Variants in FMN2 observed in about 807,000 individuals in gnomAD.
FMN2 encodes formin 2, also known as formin-2.
FMN2 carries 51 observed loss-of-function variants against 142.3 expected under a neutral mutation model. The observed-to-expected ratio is 0.36, with a 90% CI of 0.29 to 0.45. The LOEUF is 0.45. FMN2 is among the 20% of genes least tolerant of loss of function. The pLI is 1.00. For missense variants in FMN2, 1,936 were observed against 2,122.8 expected, an observed-to-expected ratio of 0.91 and a Z score of 1.73; for synonymous variants, 882 against 869.8, an observed-to-expected ratio of 1.01 and a Z score of -0.25.
At chr1:240,308,340 G>T (rs1670484077) in intron 8 of FMN2, among the ~76,000 whole-genome samples, 1 of 152,144 alleles carries the variant, frequency 6.6e-6, no homozygotes, top group Non-Finnish European at 1.5e-5. Flanking sequence ...TGTAAGACTT[G>T]AACTTTTTCT....
At chr1:240,187,679 A>G (rs987287871) in intron 3 of FMN2, among the ~76,000 whole-genome samples, 1 of 152,226 alleles carries the variant, frequency 6.6e-6, no homozygotes. Flanking sequence ...TTGCAGTCTC[A>G]TAGAATCTCA....
Position 240,208,597 on chromosome 1 carries a change from T to C in FMN2, c.3785T>C (p.Phe1262Ser). 1 of 1,613,808 alleles carries C rather than the reference T, an allele frequency of 6.2e-7. No individual in the cohort carries two copies. Residue 1262 changes from phenylalanine to serine, a missense_variant, in exon 5 of 18, where the codon TTT becomes TCT. Physicochemically the swap from Phe to Ser is radical, Grantham distance 155. Coordinates refer to ENST00000319653, the MANE Select transcript of FMN2 (RefSeq NM_020066.5). ...TTACCAACCCCACAGGTGTGTGGAT[T>C]TCTTCCTCCTCCATTGCCAAGTGGC... ...STLPTPQVCG[F>S]LPPPLPSGLF... is the part of the protein sequence containing the mutation.
intron 4 of FMN2, among the ~76,000 whole-genome samples, chr1:240,191,531 T>A (rs1039124147): frequency 2.0e-5 from 3 of 152,380 alleles, no homozygotes; most frequent in Non-Finnish European, 4.4e-5. Flanking sequence ...ATCTGCTCTA[T>A]CTGAAGAATT....
chr1:240,351,842 C>G (rs1038066782), intron 13 of FMN2, among the ~76,000 whole-genome samples: 1 of 152,066 alleles, frequency 6.6e-6, no homozygotes, highest in Non-Finnish European at 1.5e-5. Context: ...CATACAGGAT[C>G]CTAGACCCCA....
intron 15 of FMN2, among the ~76,000 whole-genome samples, chr1:240,407,172 C>T (rs563039908): frequency 6.6e-6 from 1 of 150,892 alleles, no homozygotes; most frequent in Non-Finnish European, 1.5e-5. Context: ...AAGTCTCGCT[C>T]TGTAGCCCAG....
intron 7 of FMN2, among the ~76,000 whole-genome samples, chr1:240,289,588 G>A (rs1669706856): frequency 6.6e-6 from 1 of 152,092 alleles, no homozygotes. Flanking sequence ...GCTGAGATGA[G>A]AAGATTGCTT....
chr1:240,148,645 T>G (rs963632796), intron 2 of FMN2, among the ~76,000 whole-genome samples: 1 of 152,208 alleles, frequency 6.6e-6, no homozygotes, highest in East Asian at 1.9e-4. Context: ...ACTTGAGATG[T>G]AAAATGCAGA....
At chr1:240,306,819 C>A (rs1670425074) in intron 8 of FMN2, among the ~76,000 whole-genome samples, 1 of 152,212 alleles carries the variant, frequency 6.6e-6, no homozygotes. Flanking sequence ...ATTGGGAAAT[C>A]TCCAAACTGC....
intron 4 of FMN2, among the ~76,000 whole-genome samples, chr1:240,199,386 T>C (rs1274338793): frequency 6.6e-6 from 1 of 152,202 alleles, no homozygotes; most frequent in Admixed American, 6.5e-5. Context: ...CATAATAAAG[T>C]TTCAAAGATG....
intron 15 of FMN2, among the ~76,000 whole-genome samples, chr1:240,429,896 T>G (rs902161091): frequency 3.7e-4 from 46 of 125,830 alleles, no homozygotes; most frequent in Middle Eastern, 3.6e-3. Context: ...TTTTTTTTTG[T>G]TTTTTTTGAG....
intron 4 of FMN2, among the ~76,000 whole-genome samples, chr1:240,198,866 G>C (rs1666024854): frequency 6.6e-6 from 1 of 152,112 alleles, no homozygotes; most frequent in East Asian, 1.9e-4. Flanking sequence ...CAGCACTTTG[G>C]GAGGCCGAGG....
At chr1:240,101,822 G>A (rs1017133794) in intron 1 of FMN2, among the ~76,000 whole-genome samples, 13 of 151,566 alleles carry the variant, frequency 8.6e-5, no homozygotes, top group East Asian at 1.9e-4. Context: ...ATGGTTGATC[G>A]TGTGTTATGA....
intron 14 of FMN2, among the ~76,000 whole-genome samples, chr1:240,384,927 A>C (rs575735837): frequency 1.3e-5 from 2 of 152,298 alleles, no homozygotes; most frequent in South Asian, 4.1e-4. Flanking sequence ...ACATCTCTAA[A>C]ACATCTACAT....
chr1:240,252,489 T>C (rs968183316), intron 6 of FMN2, among the ~76,000 whole-genome samples: 2 of 152,048 alleles, frequency 1.3e-5, no homozygotes, highest in African/African-American at 4.8e-5. Flanking sequence ...TAGGAAAGAC[T>C]GTATTTCTCC....
At chr1:240,289,564 C>T (rs10802854) in intron 7 of FMN2, among the ~76,000 whole-genome samples, 5 of 151,744 alleles carry the variant, frequency 3.3e-5, no homozygotes, top group South Asian at 2.1e-4. Context: ...CTGTTGTCCC[C>T]GCCACATGGA....
intron 14 of FMN2, among the ~76,000 whole-genome samples, chr1:240,370,139 A>G (rs2103068117): frequency 6.6e-6 from 1 of 152,234 alleles, no homozygotes; most frequent in East Asian, 1.9e-4. Context: ...GTCCTGAGGA[A>G]GTTCTGGCTT....
intron 8 of FMN2, among the ~76,000 whole-genome samples, chr1:240,326,378 A>G (rs1483080917): frequency 1.3e-5 from 2 of 152,234 alleles, no homozygotes; most frequent in East Asian, 3.8e-4. Flanking sequence ...CTGTGCAATT[A>G]GTAATTCATA....
chr1:240,246,036 C>T (rs745910639), intron 6 of FMN2, among the ~76,000 whole-genome samples: 10 of 152,106 alleles, frequency 6.6e-5, no homozygotes, highest in Admixed American at 3.3e-4. Context: ...AAAAATTAGC[C>T]GGGCATGGTG....
chr1:240,162,598 TAA>T (rs1664323497), intron 2 of FMN2, among the ~76,000 whole-genome samples: 1 of 80,018 alleles, frequency 1.2e-5, no homozygotes, highest in African/African-American at 6.5e-5. Flanking sequence ...AAAGTTATTC[TAA>T]TATCTTACTA....
Sources: gnomAD v4.1 joint callset for allele counts (sites outside exome capture counted in the v4.1 genomes callset) on GRCh38, gnomAD v4.1.1 for gene constraint, MANE v1.5 for transcripts, NCBI Gene and HGNC (gene_info 2026-07-23, HGNC 2026-07-21) for gene names.